The following FBXO30 variants were observed in gnomAD, a reference collection of about 807,000 sequenced individuals.
FBXO30 encodes F-box only protein 30.
FBXO30 carries 21 observed loss-of-function variants against 58.1 expected under a neutral mutation model. The ratio of observed to expected loss-of-function variants is 0.36; its 90% CI spans 0.26 to 0.52. The LOEUF is 0.52. FBXO30 is among the 20% of genes least tolerant of loss of function. The pLI is 0.93. For synonymous variants in FBXO30, 309 were observed against 312.4 expected, an observed-to-expected ratio of 0.99 and a Z score of 0.11; for missense variants, 744 against 897.3, an observed-to-expected ratio of 0.83 and a Z score of 2.18.
intron 2 of FBXO30, 58 bp downstream of exon 2, chr6:145,804,314 A>G (rs1778096705): frequency 7.3e-7 from 1 of 1,367,618 alleles, no homozygotes; most frequent in Non-Finnish European, 1.0e-6. Flanking sequence ...GTATTAATTC[A>G]GCAGTATTAT....
chr6:145,810,514 T>C (rs1036749819), intron 1 of FBXO30, among the ~76,000 whole-genome samples: 1 of 152,220 alleles, frequency 6.6e-6, no homozygotes, highest in Non-Finnish European at 1.5e-5. Context: ...TGAATTTAAA[T>C]TGTTGGAAAA....
At chr6:145,810,013 C>G (rs1360741231) in intron 1 of FBXO30, 1 of 152,220 alleles carries the variant, frequency 6.6e-6, no homozygotes, top group Non-Finnish European at 1.5e-5. Context: ...TTTATCCCAA[C>G]ACTTAATCAC....
rs768490020 is a variant in FBXO30, at chr6:145,806,127, T to C, written c.279A>G (p.Glu93=). ...CPASVVCCTM[E]WNRWPVSYAD... ...CATAACTAACTGGCCATCGATTCCA[T>C]TCCATAGTACAGCACACCACACTTG... is the stretch of plus-strand genomic sequence containing the variant. The change falls in exon 2 of 3, where the codon GAA becomes GAG. Residue 93 remains glutamate, a synonymous_variant. Transcript: ENST00000237281. The C allele has an allele frequency of 6.2e-7, 1 of 1,614,096 alleles. No individual in the cohort carries two copies. The highest frequency in any genetic ancestry group is 8.5e-7 in the Non-Finnish European group (1 of 1,179,982).
At chr6:145,807,539 T>C (rs1051899213) in intron 1 of FBXO30, among the ~76,000 whole-genome samples, 6 of 152,232 alleles carry the variant, frequency 3.9e-5, no homozygotes, top group Non-Finnish European at 5.9e-5. Context: ...GAGTGCTTTA[T>C]GCTGCTCCAA....
rs1777847553 is a variant in FBXO30, at chr6:145,795,249, C to A, written c.*4857G>T. ...GTAGAAATTAAATCTGATGAATTTG[C>A]CTTTGTTAGGAGCAACTGACCTAAT... On this transcript the variant is annotated 3_prime_UTR_variant, in exon 3 of 3. Transcript: ENST00000237281. 1 of 151,722 alleles carries A rather than the reference C, an allele frequency of 6.6e-6. No homozygotes were observed. Among genetic ancestry groups the A allele is most frequent in the South Asian group, 2.1e-4 (1 of 4,826 alleles). 9.4% of individuals were successfully genotyped at this position (151,722 alleles called of 1,614,324 possible). A position where few individuals can be genotyped will look rare whatever the true frequency, so the allele number is the denominator to read the frequency against.
intron 2 of FBXO30, among the ~76,000 whole-genome samples, chr6:145,803,182 C>A (rs906188744): frequency 6.6e-6 from 1 of 151,960 alleles, no homozygotes; most frequent in African/African-American, 2.4e-5. Flanking sequence ...CCAAAAATTT[C>A]ACTCCATATG....
chr6:145,800,355 G>T, intron 2 of FBXO30, 46 bp from the exon 3 acceptor site: 1 of 1,523,496 alleles, frequency 6.6e-7, no homozygotes, highest in Non-Finnish European at 9.1e-7. Context: ...AATGTGTAGA[G>T]AATCAAAACA....
rs1288752917 is a variant in FBXO30, at chr6:145,799,849, C to T, written c.*257G>A. 8.1e-6 allele frequency: 2 copies of T among 245,400 alleles called. No homozygotes were observed. Among genetic ancestry groups the T allele is most frequent in the African/African-American group, 2.3e-5 (1 of 44,220 alleles). The allele number at this position is 245,400 out of a possible 1,614,324, so 15.2% of individuals were successfully genotyped here. ...CAAAATATGCACACCACTGAAAATA[C>T]TAATTCTTAAAATTATGTAGCTAAA... On this transcript the variant is annotated 3_prime_UTR_variant, in exon 3 of 3. Transcript: ENST00000237281.
At position 145,805,132 on chromosome 6, in the gene FBXO30, A is replaced by C; in HGVS notation, c.1274T>G (p.Leu425Arg). ...EDPMGLQGID[L>R]ITAALLFCLG... ...ACAAAAAAGCAATGCTGCTGTGATC[A>C]GATCTATTCCTTGGAGGCCCATAGG... is the stretch of plus-strand genomic sequence containing the variant. Residue 425 changes from leucine to arginine, a missense_variant, in exon 2 of 3, where the codon CTG (leucine) becomes CGG (arginine). By Grantham distance (102) the Leu-to-Arg change is moderately radical. This residue lies in a region of FBXO30 where 334 missense variants were observed against 433.7 expected (regional missense o/e 0.77). Transcript: ENST00000237281. 3.1e-6 allele frequency: 5 copies of C among 1,614,116 alleles called. No individual in the cohort carries two copies. The highest frequency in any genetic ancestry group is 4.2e-6 in the Non-Finnish European group (5 of 1,179,956).
At chr6:145,800,990 A>G (rs1199022416) in intron 2 of FBXO30, among the ~76,000 whole-genome samples, 1 of 152,130 alleles carries the variant, frequency 6.6e-6, no homozygotes, top group African/African-American at 2.4e-5. Flanking sequence ...ATCCCTATTC[A>G]TGTCTGTAGG....
chr6:145,801,360 C>T (rs555135913), intron 2 of FBXO30, among the ~76,000 whole-genome samples: 8 of 151,946 alleles, frequency 5.3e-5, no homozygotes, highest in East Asian at 1.9e-4. Flanking sequence ...AACACAAATT[C>T]GTCAACTTTC....
At chr6:145,808,604 A>C (rs1049074227) in intron 1 of FBXO30, among the ~76,000 whole-genome samples, 4 of 152,122 alleles carry the variant, frequency 2.6e-5, no homozygotes, top group Non-Finnish European at 5.9e-5. Flanking sequence ...ACCATACATA[A>C]GCTGAAAATC....
At position 145,795,335 on chromosome 6, in the gene FBXO30, A is replaced by G. The variant is rs1777849286; in HGVS notation, c.*4771T>C. The stretch of plus-strand genomic sequence containing the variant: ...GGTCTTAAGAGTTCAACACAAATGC[A>G]GTTTTGTTACTTTCAAATACACGAA... On this transcript the variant is annotated 3_prime_UTR_variant, in exon 3 of 3. Coordinates refer to ENST00000237281, the MANE Select transcript of FBXO30 (RefSeq NM_032145.5). 1.3e-5 allele frequency: 2 copies of G among 151,888 alleles called. No individual in the cohort carries two copies. The highest frequency in any genetic ancestry group is 2.4e-5 in the African/African-American group (1 of 41,428). 9.4% of individuals were successfully genotyped at this position (151,888 alleles called of 1,614,324 possible).
rs1478901329 is a variant in FBXO30 at position 145,795,427 on chromosome 6, T to C, written c.*4679A>G. 2 of 151,894 alleles carry C rather than the reference T, an allele frequency of 1.3e-5. No individual in the cohort carries two copies. Among genetic ancestry groups the C allele is most frequent in the Non-Finnish European group, 2.9e-5 (2 of 67,816 alleles). The allele number at this position is 151,894 out of a possible 1,614,324, so 9.4% of individuals were successfully genotyped here. A position where few individuals can be genotyped will look rare whatever the true frequency, so the allele number is the denominator to read the frequency against. ...CCATTCCCTAGTATTTGCATGCAAA[T>C]GGGTTAATAAAATGATTTTGGAGAT... On this transcript the variant is annotated 3_prime_UTR_variant, in exon 3 of 3. Transcript: ENST00000237281.
chr6:145,804,433 A>C lies in FBXO30; in HGVS notation c.1973T>G (p.Ile658Arg). The stretch of plus-strand genomic sequence containing the variant: ...ATACTTCCTTTTCCCCCACTGCAGT[A>C]TGACCATGCCACGAGACTGAAGCAG... ...GSLLQSRGMVILQWGKRKYPE... is the reference protein window; with the variant it reads ...GSLLQSRGMVRLQWGKRKYPE... Residue 658 changes from isoleucine to arginine, a missense_variant, in exon 2 of 3, where the codon ATA (isoleucine) becomes AGA (arginine). Around this residue, in one of 3 missense-constraint regions of FBXO30, gnomAD observed 334 missense variants for 433.7 expected, o/e 0.77. Coordinates refer to ENST00000237281, the MANE Select transcript of FBXO30 (RefSeq NM_032145.5). The C allele has an allele frequency of 6.2e-7, 1 of 1,613,746 alleles. No homozygotes were observed. Among genetic ancestry groups the C allele is most frequent in the Non-Finnish European group, 8.5e-7 (1 of 1,179,762 alleles).
Position 145,805,809 on chromosome 6 carries a change from G to A in FBXO30, c.597C>T (p.Ile199=). 1 of 1,614,040 alleles carries A rather than the reference G, an allele frequency of 6.2e-7. No individual in the cohort carries two copies. Among genetic ancestry groups the A allele is most frequent in the Non-Finnish European group, 8.5e-7 (1 of 1,179,986 alleles). Residue 199 remains isoleucine, a synonymous_variant, in exon 2 of 3, where the codon ATC becomes ATT. Transcript: ENST00000237281. ...TTRSLAAALD[I]LNTATRDIGM... is the part of the protein sequence containing the mutation. Reference sequence around the variant, plus strand: ...CAATGTCTCTTGTAGCAGTATTCAGGATATCCAAAGCAGCAGCCAAACTTC... The same window carrying A: ...CAATGTCTCTTGTAGCAGTATTCAGAATATCCAAAGCAGCAGCCAAACTTC...
chr6:145,806,528 T>C (rs1778174559), intron 1 of FBXO30, 107 bp from the exon 2 acceptor site: 6 of 788,994 alleles, frequency 7.6e-6, no homozygotes, highest in Middle Eastern at 5.2e-4. Flanking sequence ...TGGTTTATTT[T>C]AGGATGACAT....
At chr6:145,804,043 A>AT (rs2128665739) in intron 2 of FBXO30, among the ~76,000 whole-genome samples, 1 of 152,234 alleles carries the variant, frequency 6.6e-6, no homozygotes, top group African/African-American at 2.4e-5. Flanking sequence ...TATGGTGCAC[A>AT]TTTTTCAGAT....
chr6:145,800,351 T>C lies in FBXO30; in HGVS notation c.2035-42A>G, dbSNP rs201104889. 33 of 1,549,810 alleles carry C rather than the reference T, an allele frequency of 2.1e-5. No homozygotes were observed. In the East Asian group the frequency reaches 7.0e-4, roughly 33 times the overall value. ...CTTTAGATTTAAACAAGTCAATGTG[T>C]AGAGAATCAAAACACACTTTTTGCT... On this transcript the variant is annotated intron_variant, in intron 2 of 2. Coordinates refer to ENST00000237281, the MANE Select transcript of FBXO30 (RefSeq NM_032145.5).
Sources: allele counts gnomAD v4.1 joint callset (sites outside exome capture counted in the v4.1 genomes callset), GRCh38; gene constraint gnomAD v4.1.1; regional missense constraint gnomAD v4.1.1; transcripts MANE v1.5; gene names NCBI Gene and HGNC (gene_info 2026-07-23, HGNC 2026-07-21).